Variants in CCNY observed in about 807,000 individuals in gnomAD.
The protein encoded by CCNY is cyclin-Y.
A neutral mutation model predicts 42.8 loss-of-function variants in CCNY; 19 were observed. The observed-to-expected ratio is 0.44, with a 90% CI of 0.31 to 0.65. CCNY has a LOEUF of 0.65. Ranked by LOEUF, CCNY falls within the 30% of genes least tolerant of loss-of-function variation. The pLI is 0.07. For synonymous variants in CCNY, 165 were observed against 162.7 expected (o/e 1.01, Z -0.11); for missense variants, 370 against 437.3 (o/e 0.85, Z 1.37).
intron 1 of CCNY, among the ~76,000 whole-genome samples, chr10:35,413,900 C>T (rs577206515): frequency 1.3e-5 from 2 of 152,148 alleles, no homozygotes; most frequent in Non-Finnish European, 2.9e-5. Context: ...TGACATGCAT[C>T]GGGCACGTCG....
chr10:35,488,117 G>A (rs1839823299), intron 2 of CCNY, among the ~76,000 whole-genome samples: 1 of 152,152 alleles, frequency 6.6e-6, no homozygotes, highest in South Asian at 2.1e-4. Flanking sequence ...CGGAATCTGT[G>A]TTTCTCAGGA....
At chr10:35,283,614 A>G (rs1835321707) in intron 3 of CCNY, among the ~76,000 whole-genome samples, 1 of 152,180 alleles carries the variant, frequency 6.6e-6, no homozygotes, top group African/African-American at 2.4e-5. Context: ...TGTGTTAGCC[A>G]GGATGGTCTC....
At chr10:35,356,061 T>G (rs1278790377) in intron 1 of CCNY, among the ~76,000 whole-genome samples, 1 of 152,212 alleles carries the variant, frequency 6.6e-6, no homozygotes, top group African/African-American at 2.4e-5. Context: ...TTATTTTCAT[T>G]TTTGCATGCT....
At chr10:35,486,778 C>A (rs894558952) in intron 2 of CCNY, among the ~76,000 whole-genome samples, 1 of 152,218 alleles carries the variant, frequency 6.6e-6, no homozygotes, top group Non-Finnish European at 1.5e-5. Flanking sequence ...GAATCACTTG[C>A]TTCCTCAAGT....
At chr10:35,558,077 T>C in intron 8 of CCNY, among the ~76,000 whole-genome samples, 1 of 152,224 alleles carries the variant, frequency 6.6e-6, no homozygotes, top group Non-Finnish European at 1.5e-5. Context: ...GCTATTTAAA[T>C]GAGCCTACCA....
At chr10:35,541,540 G>T (rs1444826871) in intron 7 of CCNY, among the ~76,000 whole-genome samples, 1 of 152,158 alleles carries the variant, frequency 6.6e-6, no homozygotes, top group Admixed American at 6.5e-5. Flanking sequence ...TGGAACTACA[G>T]CTGTGCACCT....
chr10:35,411,857 G>T (rs1387324567), intron 1 of CCNY, among the ~76,000 whole-genome samples: 1 of 152,200 alleles, frequency 6.6e-6, no homozygotes, highest in African/African-American at 2.4e-5. Context: ...AAGAGACCAA[G>T]GTGTTTAAAT....
rs1242917855 is a variant in CCNY at position 35,569,080 on chromosome 10, G to A, written c.936G>A (p.Lys312=). The change falls in exon 10 of 10, where the codon AAG becomes AAA. Residue 312 remains lysine, a synonymous_variant. Transcript: ENST00000374704. ...CCATCTCTCGCCTCTGCGAGGACAA[G>A]TACAAGGACCTAAGAAGATCCGCGA... ...LEAISRLCED[K]YKDLRRSARK... is the part of the protein sequence containing the mutation. 3 of 1,613,138 alleles carry A rather than the reference G, an allele frequency of 1.9e-6. No individual in the cohort carries two copies. In the Admixed American group the frequency reaches 5.0e-5, roughly 27 times the overall value.
At chr10:35,271,883 A>C (rs1835175064) in intron 3 of CCNY, among the ~76,000 whole-genome samples, 2 of 152,202 alleles carry the variant, frequency 1.3e-5, no homozygotes, top group Admixed American at 1.3e-4. Context: ...GGCCCCAGTG[A>C]AAATACCACT....
At chr10:35,563,283 GGTT>G (rs1841501794) in intron 8 of CCNY, among the ~76,000 whole-genome samples, 1 of 152,150 alleles carries the variant, frequency 6.6e-6, no homozygotes, top group African/African-American at 2.4e-5. Flanking sequence ...GCTTGGAGAA[GGTT>G]GTTCTGTTTT....
intron 3 of CCNY, among the ~76,000 whole-genome samples, chr10:35,301,948 TA>T (rs1564362526): frequency 6.6e-6 from 1 of 151,006 alleles, no homozygotes. Flanking sequence ...TGTTATTTTT[TA>T]TTTTATTTAT....
intron 8 of CCNY, among the ~76,000 whole-genome samples, chr10:35,557,710 C>A (rs1222514343): frequency 6.6e-6 from 1 of 152,056 alleles, no homozygotes; most frequent in African/African-American, 2.4e-5. Flanking sequence ...GAGCCGAGAT[C>A]GTGCCACCGC....
At chr10:35,387,742 A>G (rs1406541747) in intron 1 of CCNY, among the ~76,000 whole-genome samples, 1 of 152,224 alleles carries the variant, frequency 6.6e-6, no homozygotes, top group Non-Finnish European at 1.5e-5. Context: ...TACATTTAGT[A>G]GTTAATGTAT....
At chr10:35,442,562 G>C (rs936437140) in intron 1 of CCNY, among the ~76,000 whole-genome samples, 1 of 152,218 alleles carries the variant, frequency 6.6e-6, no homozygotes, top group Admixed American at 6.5e-5. Context: ...GAGTTTGCTT[G>C]TAGGATGAGA....
intron 3 of CCNY, among the ~76,000 whole-genome samples, chr10:35,289,992 A>C (rs1835393082): frequency 6.6e-6 from 1 of 151,976 alleles, no homozygotes; most frequent in South Asian, 2.1e-4. Context: ...TTGGGAGGCC[A>C]AGGCAGGCGG....
At chr10:35,414,027 T>C (rs953234276) in intron 1 of CCNY, among the ~76,000 whole-genome samples, 2 of 152,230 alleles carry the variant, frequency 1.3e-5, no homozygotes, top group Non-Finnish European at 2.9e-5. Context: ...AATAAAGATA[T>C]GTTTTTTAAC....
At chr10:35,279,318 T>G (rs891921382) in intron 3 of CCNY, among the ~76,000 whole-genome samples, 18 of 152,040 alleles carry the variant, frequency 1.2e-4, no homozygotes, top group African/African-American at 4.3e-4. Context: ...TTCACCATGT[T>G]GGCCAGTCTG....
At chr10:35,355,032 TC>T (rs1027681524) in intron 1 of CCNY, among the ~76,000 whole-genome samples, 1 of 152,214 alleles carries the variant, frequency 6.6e-6, no homozygotes, top group African/African-American at 2.4e-5. Context: ...AATTTCTGTG[TC>T]CCAGGAGAGA....
At chr10:35,496,862 T>G (rs1278790113) in intron 2 of CCNY, among the ~76,000 whole-genome samples, 1 of 152,192 alleles carries the variant, frequency 6.6e-6, no homozygotes, top group Non-Finnish European at 1.5e-5. Flanking sequence ...CATAGCAACT[T>G]AAGTGTAATT....
Sources: allele counts gnomAD v4.1 joint callset (sites outside exome capture counted in the v4.1 genomes callset), GRCh38; gene constraint gnomAD v4.1.1; transcripts MANE v1.5; gene names NCBI Gene and HGNC (gene_info 2026-07-23, HGNC 2026-07-21).